The following NSMCE1 variants were observed in gnomAD, a reference collection of about 807,000 sequenced individuals.
NSMCE1 encodes the protein NSE1 component of SMC5/6 complex, also known as non-structural maintenance of chromosomes element 1 homolog.
A neutral mutation model predicts 29.6 loss-of-function variants in NSMCE1; 18 were observed. The observed-to-expected ratio is 0.61, with a 90% CI of 0.42 to 0.90. The LOEUF (loss-of-function observed/expected upper bound fraction) is 0.90. Ranked by LOEUF, NSMCE1 falls within the 40% of genes least tolerant of loss-of-function variation. The pLI is 0.00. For synonymous variants in NSMCE1, 124 were observed against 133.4 expected, an observed-to-expected ratio of 0.93 and a Z score of 0.49; for missense variants, 314 against 343.6, an observed-to-expected ratio of 0.91 and a Z score of 0.68.
intron 7 of NSMCE1, 116 bp downstream of exon 7, chr16:27,225,610 C>A (rs986260921): frequency 8.2e-7 from 1 of 1,226,310 alleles, no homozygotes; most frequent in East Asian, 2.5e-5. Flanking sequence ...GCTGCTAACA[C>A]GGACCCCCAC....
At chr16:27,238,307 A>C (rs1308655095) in intron 2 of NSMCE1, among the ~76,000 whole-genome samples, 1 of 151,862 alleles carries the variant, frequency 6.6e-6, no homozygotes, top group Non-Finnish European at 1.5e-5. Context: ...CCGCTTCTCT[A>C]CCACCACCCC....
In NSMCE1 at chr16:27,232,989, A is replaced by G; in HGVS notation, c.483+12T>C. 1 of 1,610,260 alleles carries G rather than the reference A, an allele frequency of 6.2e-7. No individual in the cohort carries two copies. The highest frequency in any genetic ancestry group is 8.5e-7 in the Non-Finnish European group (1 of 1,179,070). The stretch of plus-strand genomic sequence containing the variant: ...AAAAGTGAACCAGGCTGGAAAAACC[A>G]TGAGACAGTACCTCAATCAGCCACT... On this transcript the variant is annotated intron_variant, in intron 5 of 7. Transcript: ENST00000361439. This position sits in a 1 kb window ranked among gnomAD's most constrained non-coding sequence, Gnocchi z 4.5.
At chr16:27,246,928 AAC>A (rs1236911675) in intron 2 of NSMCE1, among the ~76,000 whole-genome samples, 1 of 151,328 alleles carries the variant, frequency 6.6e-6, no homozygotes, top group East Asian at 1.9e-4. Flanking sequence ...ATGCAGAGAG[AAC>A]ACAACACCGC....
At chr16:27,249,836 A>G (rs934127064) in intron 2 of NSMCE1, among the ~76,000 whole-genome samples, 3 of 152,238 alleles carry the variant, frequency 2.0e-5, no homozygotes, top group African/African-American at 7.2e-5. Flanking sequence ...CTTTGAATCT[A>G]TAGATCAATT....
intron 2 of NSMCE1, among the ~76,000 whole-genome samples, chr16:27,244,900 G>A (rs1860648059): frequency 6.6e-6 from 1 of 152,234 alleles, no homozygotes; most frequent in Non-Finnish European, 1.5e-5. Flanking sequence ...AACCGAGGAA[G>A]ATGTGTGGTA....
chr16:27,236,400 A>C (rs531989115), intron 2 of NSMCE1, among the ~76,000 whole-genome samples: 1 of 146,160 alleles, frequency 6.8e-6, no homozygotes, highest in East Asian at 2.0e-4. Flanking sequence ...GGGTTCAAGC[A>C]GTTCTCCTGC....
intron 2 of NSMCE1, 125 bp downstream of exon 2, chr16:27,257,310 G>T: frequency 1.4e-6 from 1 of 714,784 alleles, no homozygotes; most frequent in Non-Finnish European, 2.1e-6. Context: ...GTGTAAGATT[G>T]TGAAGAGGCT....
chr16:27,268,382 A>G (rs2084252019), intron 1 of NSMCE1: 1 of 152,240 alleles, frequency 6.6e-6, no homozygotes, highest in Non-Finnish European at 1.5e-5. Context: ...CACCTGTTAC[A>G]ATGAAAAGTA....
At chr16:27,233,931 C>A in intron 4 of NSMCE1, 1 of 464,192 alleles carries the variant, frequency 2.2e-6, no homozygotes. Context: ...CCAGTGAAGC[C>A]CTGCTCTTGC....
chr16:27,257,207 G>T (rs540666725), intron 2 of NSMCE1: 5 of 411,688 alleles, frequency 1.2e-5, no homozygotes, highest in Non-Finnish European at 1.3e-5. Flanking sequence ...CAACTATACA[G>T]CTTTAGACTC....
In NSMCE1 at chr16:27,225,721, C is replaced by T. The variant is rs368410925; in HGVS notation, c.721+5G>A. Reference sequence around the variant, plus strand: ...CCTCCCATGAGCTCCTCAGGGCCCACGCACTTGGGATCTCGTGGGGCCAGT... The same window carrying T: ...CCTCCCATGAGCTCCTCAGGGCCCATGCACTTGGGATCTCGTGGGGCCAGT... On this transcript the variant is annotated splice_donor_5th_base_variant and intron_variant, in intron 7 of 7. Transcript: ENST00000361439. 19 of 1,613,904 alleles carry T rather than the reference C, an allele frequency of 1.2e-5. No individual in the cohort carries two copies. Among genetic ancestry groups the T allele is most frequent in the Non-Finnish European group, 1.1e-5 (13 of 1,179,968 alleles).
At chr16:27,249,002 T>C (rs1299426381) in intron 2 of NSMCE1, among the ~76,000 whole-genome samples, 1 of 152,102 alleles carries the variant, frequency 6.6e-6, no homozygotes, top group Admixed American at 6.5e-5. Flanking sequence ...CTAATTTTTG[T>C]ATTTTTTTGT....
chr16:27,265,006 C>A, intron 1 of NSMCE1, among the ~76,000 whole-genome samples: 1 of 151,862 alleles, frequency 6.6e-6, no homozygotes. Flanking sequence ...TGAATAAATA[C>A]AGAAAAAAGA....
At position 27,225,706 on chromosome 16, in the gene NSMCE1, G is replaced by C. The variant is rs760254936; in HGVS notation, c.721+20C>G. The stretch of plus-strand genomic sequence containing the variant: ...CCTGCTGGCCCAGCCCCTCCCATGA[G>C]CTCCTCAGGGCCCACGCACTTGGGA... On this transcript the variant is annotated intron_variant, in intron 7 of 7. Transcript: ENST00000361439. 1 of 1,613,708 alleles carries C rather than the reference G, an allele frequency of 6.2e-7. No homozygotes were observed. Among genetic ancestry groups the C allele is most frequent in the Non-Finnish European group, 8.5e-7 (1 of 1,179,896 alleles).
chr16:27,234,369 G>A, intron 3 of NSMCE1, 104 bp from the exon 4 acceptor site: 2 of 795,404 alleles, frequency 2.5e-6, no homozygotes. Context: ...GCCAGTCACT[G>A]AGCTCCTGTA....
intron 2 of NSMCE1, among the ~76,000 whole-genome samples, chr16:27,242,552 C>T (rs2083906400): frequency 6.6e-6 from 1 of 152,164 alleles, no homozygotes; most frequent in African/African-American, 2.4e-5. Context: ...GTGATGGGGA[C>T]ATCCACTTGC....
intron 2 of NSMCE1, among the ~76,000 whole-genome samples, chr16:27,251,399 A>G (rs2084034352): frequency 6.6e-6 from 1 of 151,912 alleles, no homozygotes; most frequent in African/African-American, 2.4e-5. Context: ...TTTTTAGCTT[A>G]ATATGGTGAA....
chr16:27,241,898 G>T (rs758304134), intron 2 of NSMCE1: 7 of 448,310 alleles, frequency 1.6e-5, no homozygotes, highest in Non-Finnish European at 9.0e-6. Flanking sequence ...ACCTAAGACG[G>T]GACAGGAAGC....
intron 1 of NSMCE1, among the ~76,000 whole-genome samples, chr16:27,259,233 T>C (rs1028038557): frequency 6.6e-6 from 1 of 152,096 alleles, no homozygotes; most frequent in African/African-American, 2.4e-5. Context: ...CTCTCCCAAG[T>C]CCTTCTCTTT....
Sources: allele counts gnomAD v4.1 joint callset (sites outside exome capture counted in the v4.1 genomes callset), GRCh38; gene constraint gnomAD v4.1.1; non-coding constraint Gnocchi (gnomAD v3.1); transcripts MANE v1.5; gene names NCBI Gene and HGNC (gene_info 2026-07-23, HGNC 2026-07-21).